Variants in RAPH1 observed in about 807,000 individuals in gnomAD.
RAPH1 encodes the protein Ras association (RalGDS/AF-6) and pleckstrin homology domains 1.
RAPH1 carries 18 observed loss-of-function variants against 88.1 expected under a neutral mutation model. The ratio of observed to expected loss-of-function variants is 0.20; its 90% CI spans 0.14 to 0.30. The LOEUF (loss-of-function observed/expected upper bound fraction) is 0.30, where lower values mean the gene tolerates loss of function less well. Ranked by LOEUF, RAPH1 falls within the 10% of genes least tolerant of loss-of-function variation. The probability of loss-of-function intolerance (pLI) is 1.00; values close to 1 mark genes in which losing one functional copy is unlikely to be tolerated. For missense variants in RAPH1, 1,448 were observed against 1,543.2 expected, an observed-to-expected ratio of 0.94 and a Z score of 1.03; for synonymous variants, 587 against 559.0, an observed-to-expected ratio of 1.05 and a Z score of -0.71.
At chr2:203,486,907 A>G (rs927666327) in intron 4 of RAPH1, among the ~76,000 whole-genome samples, 1 of 152,208 alleles carries the variant, frequency 6.6e-6, no homozygotes, top group Admixed American at 6.5e-5. Flanking sequence ...TTTCCCTGCT[A>G]TAGTCCTGGT....
At chr2:203,468,344 G>C (rs2098530264) in intron 4 of RAPH1, among the ~76,000 whole-genome samples, 1 of 152,074 alleles carries the variant, frequency 6.6e-6, no homozygotes, top group Non-Finnish European at 1.5e-5. Context: ...TAGGGTGACT[G>C]GCAAAACGGT....
chr2:203,501,224 C>A lies in RAPH1; in HGVS notation c.1-5871G>T, dbSNP rs1688725979. ...TCATCAAAAGGAGGAGAGAGGAAGT[C>A]AGAGCAGAGAAGGGAAAGGAAAGGA... On this transcript the variant is annotated intron_variant, in intron 1 of 13. Transcript: ENST00000319170. Among the ~76,000 whole-genome samples the A allele has an allele frequency of 2.0e-5, 3 of 151,990 alleles. No homozygotes were observed. In the South Asian group the frequency reaches 6.2e-4, roughly 32 times the overall value.
chr2:203,445,978 T>C (rs1003346680), intron 12 of RAPH1: 2 of 152,238 alleles, frequency 1.3e-5, no homozygotes, highest in Non-Finnish European at 2.9e-5. Flanking sequence ...AGTGTCCTCT[T>C]TTAATTTTAT....
intron 1 of RAPH1, among the ~76,000 whole-genome samples, chr2:203,533,208 C>A (rs1690466191): frequency 6.6e-6 from 1 of 152,164 alleles, no homozygotes; most frequent in Non-Finnish European, 1.5e-5. Flanking sequence ...ACCTCTGAGT[C>A]TGAAAAATAA....
chr2:203,440,029 C>T lies in RAPH1; in HGVS notation c.3161G>A (p.Ser1054Asn). Residue 1054 changes from serine (S) to asparagine (N), a missense_variant, in exon 14 of 14, where the codon AGT becomes AAT. This residue lies in a region of RAPH1 where 935 missense variants were observed against 890.1 expected (regional missense o/e 1.05). Transcript: ENST00000319170. ...CACCACGGAGTCCTTTCCACGCCCA[C>T]TCAGAACAGGGGCTTTTGCTGACAC... ...GCVSAKAPVL[S>N]GRGKDSVVEF... 1.2e-6 allele frequency: 2 copies of T among 1,613,700 alleles called. No homozygotes were observed. Among genetic ancestry groups the T allele is most frequent in the Non-Finnish European group, 8.5e-7 (1 of 1,179,992 alleles).
chr2:203,486,978 T>A (rs531208544), intron 4 of RAPH1, among the ~76,000 whole-genome samples: 1 of 152,328 alleles, frequency 6.6e-6, no homozygotes, highest in Admixed American at 6.5e-5. Context: ...AGCACTGGTA[T>A]CTTTGCAGTA....
rs557882486 is a variant in RAPH1, at chr2:203,440,288, C to T, written c.2902G>A (p.Gly968Arg). The T allele has an allele frequency of 1.9e-6, 3 of 1,613,586 alleles. No individual in the cohort carries two copies. The highest frequency in any genetic ancestry group is 2.5e-6 in the Non-Finnish European group (3 of 1,179,964). The change falls in exon 14 of 14, where the codon GGA becomes AGA. Residue 968 changes from glycine (G) to arginine (R), a missense_variant. By Grantham distance (125) the Gly-to-Arg change is moderately radical. Transcript: ENST00000319170. ...KKTSKTSSPGGKKPPPTPQRN... is the reference protein window; with the variant it reads ...KKTSKTSSPGRKKPPPTPQRN... ...TGTGGGGTTGGGGGTGGTTTCTTTC[C>T]CCCAGGGCTGGACGTCTTACTGGTC... is the stretch of plus-strand genomic sequence containing the variant.
intron 1 of RAPH1, among the ~76,000 whole-genome samples, chr2:203,518,098 T>C (rs528970534): frequency 6.6e-6 from 1 of 151,718 alleles, no homozygotes; most frequent in East Asian, 1.9e-4. Flanking sequence ...ATTTAAAAAA[T>C]CAATAAAATT....
intron 1 of RAPH1, among the ~76,000 whole-genome samples, chr2:203,523,453 A>G (rs562884051): frequency 6.6e-6 from 1 of 151,938 alleles, no homozygotes; most frequent in East Asian, 1.9e-4. Context: ...TTTTTAACAA[A>G]TGACACTGGC....
At chr2:203,455,337 A>G in intron 9 of RAPH1, 100 bp downstream of exon 9, 1 of 1,147,904 alleles carries the variant, frequency 8.7e-7, no homozygotes, top group Non-Finnish European at 1.2e-6. Context: ...CCACGAACTG[A>G]AACAAATCAT....
chr2:203,438,234 C>A lies in RAPH1; in HGVS notation c.*1203G>T. ...AACTGTCTTCCCTCTCCATGTAGTC[C>A]CATACTTAATGAGCTTTTTGTATTA... On this transcript the variant is annotated 3_prime_UTR_variant, in exon 14 of 14. Coordinates refer to ENST00000319170, the MANE Select transcript of RAPH1 (RefSeq NM_213589.3). The A allele has an allele frequency of 1.9e-6, 1 of 513,896 alleles. No homozygotes were observed. Among genetic ancestry groups the A allele is most frequent in the Non-Finnish European group, 3.9e-6 (1 of 257,654 alleles). 31.8% of individuals were successfully genotyped at this position (513,896 alleles called of 1,614,324 possible). A position where few individuals can be genotyped will look rare whatever the true frequency, so the allele number is the denominator to read the frequency against.
chr2:203,528,562 G>A (rs1475013816), intron 1 of RAPH1, among the ~76,000 whole-genome samples: 1 of 152,122 alleles, frequency 6.6e-6, no homozygotes, highest in Non-Finnish European at 1.5e-5. Flanking sequence ...TACATGAGCT[G>A]CCTTGTCAGC....
At chr2:203,502,016 CT>C (rs1189375683) in intron 1 of RAPH1, among the ~76,000 whole-genome samples, 1 of 152,096 alleles carries the variant, frequency 6.6e-6, no homozygotes, top group African/African-American at 2.4e-5. Flanking sequence ...AACAAAGTTC[CT>C]TTTGTAGACC....
chr2:203,534,883 G>C (rs1690546858), intron 1 of RAPH1, among the ~76,000 whole-genome samples: 1 of 152,060 alleles, frequency 6.6e-6, no homozygotes, highest in African/African-American at 2.4e-5. Context: ...GCAGGGTGCA[G>C]TCCAGGCCCC....
intron 4 of RAPH1, among the ~76,000 whole-genome samples, chr2:203,463,365 AAAAAC>A (rs1340490064): frequency 5.3e-5 from 8 of 152,222 alleles, no homozygotes; most frequent in African/African-American, 1.9e-4. Flanking sequence ...TTCCAGGGCA[AAAAAC>A]AAAAAGAGAA....
intron 8 of RAPH1, among the ~76,000 whole-genome samples, chr2:203,455,825 T>C (rs1328232909): frequency 2.1e-5 from 3 of 146,178 alleles, no homozygotes; most frequent in Non-Finnish European, 4.5e-5. Context: ...CTGGCCAACA[T>C]AGTGAAACCA....
chr2:203,488,845 C>T (rs1049241348), intron 4 of RAPH1, among the ~76,000 whole-genome samples: 9 of 151,958 alleles, frequency 5.9e-5, no homozygotes, highest in South Asian at 2.1e-4. Flanking sequence ...AATGGAGGGC[C>T]GGGCACAGTG....
chr2:203,444,938 G>C lies in RAPH1; in HGVS notation c.1706C>G (p.Ser569Cys). 6.2e-7 allele frequency: 1 copy of C among 1,614,128 alleles called. No homozygotes were observed. Among genetic ancestry groups the C allele is most frequent in the Non-Finnish European group, 8.5e-7 (1 of 1,179,972 alleles). ...GAATACGGAGCTCACAATGCTCTGG[G>C]AACGGACGTGTCCTGCTGGCTGGGT... Reference protein sequence around the residue: ...SDTQPAGHVRSQSIVSSVFSE... With the variant: ...SDTQPAGHVRCQSIVSSVFSE... The change falls in exon 13 of 14, where the codon TCC (serine) becomes TGC (cysteine). Residue 569 changes from serine to cysteine, a missense_variant. Ser to Cys is a moderately radical substitution (Grantham distance 112). Around this residue, in one of 2 missense-constraint regions of RAPH1, gnomAD observed 935 missense variants for 890.1 expected, o/e 1.05. Coordinates refer to ENST00000319170, the MANE Select transcript of RAPH1 (RefSeq NM_213589.3).
chr2:203,504,358 C>T (rs534435829), intron 1 of RAPH1, among the ~76,000 whole-genome samples: 56 of 152,232 alleles, frequency 3.7e-4, no homozygotes, highest in Admixed American at 1.6e-3. Context: ...AGGCTCAACA[C>T]CACATGGAAG....
Sources: gnomAD v4.1 joint callset for allele counts (sites outside exome capture counted in the v4.1 genomes callset) on GRCh38, gnomAD v4.1.1 for gene constraint, gnomAD v4.1.1 regional missense constraint, MANE v1.5 for transcripts, NCBI Gene and HGNC (gene_info 2026-07-23, HGNC 2026-07-21) for gene names.